Variants in ROBO1 observed in about 807,000 individuals in gnomAD.
ROBO1 encodes the protein roundabout guidance receptor 1.
Under a neutral mutation model 195.9 loss-of-function variants are expected in ROBO1, and 149 were observed. The ratio of observed to expected loss-of-function variants is 0.76; its 90% CI spans 0.67 to 0.87. ROBO1 has a LOEUF of 0.87. Among genes scored for constraint, ROBO1 ranks in the 40% least tolerant of loss-of-function variants. The pLI, the probability that ROBO1 is intolerant of heterozygous loss-of-function variation, is 0.00. For missense variants in ROBO1, 1,933 were observed against 2,068.3 expected (o/e 0.93, Z 1.27); for synonymous variants, 816 against 733.2 (o/e 1.11, Z -1.82).
intron 3 of ROBO1, among the ~76,000 whole-genome samples, chr3:79,115,772 A>G (rs550129280): frequency 6.6e-6 from 1 of 152,306 alleles, no homozygotes; most frequent in South Asian, 2.1e-4. Context: ...TAGACGTTCT[A>G]TGAATGTATT....
At chr3:78,856,155 G>T (rs1181662695) in intron 4 of ROBO1, among the ~76,000 whole-genome samples, 1 of 151,024 alleles carries the variant, frequency 6.6e-6, no homozygotes, top group South Asian at 2.1e-4. Flanking sequence ...ACGGTTTTCA[G>T]CATAAGAAAT....
At chr3:78,856,904 T>C (rs1263619224) in intron 4 of ROBO1, among the ~76,000 whole-genome samples, 3 of 151,508 alleles carry the variant, frequency 2.0e-5, no homozygotes, top group African/African-American at 7.3e-5. Context: ...TTTTCTCTAA[T>C]ACTAACAAGC....
intron 26 of ROBO1, among the ~76,000 whole-genome samples, chr3:78,623,220 T>A (rs1444163362): frequency 6.6e-6 from 1 of 152,146 alleles, no homozygotes; most frequent in Admixed American, 6.5e-5. Flanking sequence ...CGGGAACACA[T>A]AAATATGGCT....
At chr3:79,570,162 G>T (rs114330219) in intron 2 of ROBO1, among the ~76,000 whole-genome samples, 2,551 of 151,918 alleles carry the variant, frequency 0.017, 44 homozygotes, top group Middle Eastern at 0.078. Context: ...TGCATTACTA[G>T]ACTTAGTATT....
chr3:78,780,855 G>C (rs574959380), intron 4 of ROBO1, among the ~76,000 whole-genome samples: 4 of 151,788 alleles, frequency 2.6e-5, no homozygotes, highest in Non-Finnish European at 5.9e-5. Context: ...TTTTTATTAT[G>C]ATTTTTTAGG....
intron 2 of ROBO1, among the ~76,000 whole-genome samples, chr3:79,285,821 C>T (rs527737848): frequency 1.3e-5 from 2 of 151,984 alleles, no homozygotes; most frequent in African/African-American, 2.4e-5. Context: ...AATAGATGAA[C>T]ACATTTATTT....
intron 2 of ROBO1, among the ~76,000 whole-genome samples, chr3:79,492,418 T>G (rs1939509609): frequency 9.2e-6 from 1 of 108,782 alleles, no homozygotes; most frequent in South Asian, 3.4e-4. Flanking sequence ...AGAGTGAGAC[T>G]CTGTTTCAGA....
intron 3 of ROBO1, among the ~76,000 whole-genome samples, chr3:79,034,459 C>T (rs1576594276): frequency 6.6e-6 from 1 of 152,064 alleles, no homozygotes; most frequent in Non-Finnish European, 1.5e-5. Context: ...GGAGGGAAAC[C>T]ATTTGTATTA....
At chr3:78,767,602 C>G (rs9631524) in intron 4 of ROBO1, among the ~76,000 whole-genome samples, 147,368 of 152,282 alleles carry the variant, frequency 0.97, 71,489 homozygotes, top group East Asian at 1. Flanking sequence ...CAATCTCACT[C>G]CTTGTTGTTG....
intron 2 of ROBO1, among the ~76,000 whole-genome samples, chr3:79,262,268 G>A (rs1353164631): frequency 6.6e-6 from 1 of 152,026 alleles, no homozygotes; most frequent in East Asian, 1.9e-4. Context: ...AAATCAGCAG[G>A]AAATGGGGGC....
chr3:79,168,357 G>C (rs2081107852), intron 2 of ROBO1, among the ~76,000 whole-genome samples: 1 of 151,888 alleles, frequency 6.6e-6, no homozygotes, highest in African/African-American at 2.4e-5. Flanking sequence ...ATCCTTAAGA[G>C]AGTTTTTCTT....
In ROBO1 at chr3:78,617,751, C is replaced by T. The variant is rs756256099; in HGVS notation, c.4166G>A (p.Ser1389Asn). The part of the protein sequence containing the change: ...EEDNISSGRS[S>N]VSSSDGSFFT... The stretch of plus-strand genomic sequence containing the variant: ...AAAGGAGCCGTCCGAAGAACTAACA[C>T]TGGAGCGTCCGCTGGAAATGTTGTC... Residue 1389 changes from serine (S) to asparagine (N), a missense_variant, in exon 27 of 31, where the codon AGT becomes AAT. Physicochemically the swap from Ser to Asn is conservative, Grantham distance 46. Coordinates refer to ENST00000464233, the MANE Select transcript of ROBO1 (RefSeq NM_002941.4). 5 of 1,613,986 alleles carry T rather than the reference C, an allele frequency of 3.1e-6. No homozygotes were observed. The highest frequency in any genetic ancestry group is 4.2e-6 in the Non-Finnish European group (5 of 1,179,874).
At chr3:78,929,200 C>A (rs1335182107) in intron 4 of ROBO1, among the ~76,000 whole-genome samples, 1 of 151,968 alleles carries the variant, frequency 6.6e-6, no homozygotes, top group African/African-American at 2.4e-5. Flanking sequence ...ATTTAAAATG[C>A]GACTGAAGTT....
intron 1 of ROBO1, among the ~76,000 whole-genome samples, chr3:79,751,918 A>T (rs546509269): frequency 6.6e-6 from 1 of 152,278 alleles, no homozygotes; most frequent in South Asian, 2.1e-4. Flanking sequence ...CATTAAATAC[A>T]CTCAATAATA....
chr3:79,476,124 G>A (rs1353671697), intron 2 of ROBO1, among the ~76,000 whole-genome samples: 2 of 151,866 alleles, frequency 1.3e-5, no homozygotes, highest in Non-Finnish European at 2.9e-5. Flanking sequence ...ATATACAAAC[G>A]GCCAATAAAC....
chr3:79,456,214 A>T (rs1251748007), intron 2 of ROBO1, among the ~76,000 whole-genome samples: 2 of 152,186 alleles, frequency 1.3e-5, no homozygotes, highest in Non-Finnish European at 2.9e-5. Flanking sequence ...CTTGCAAATT[A>T]ACACAATCTG....
At chr3:79,001,482 G>A (rs1437968857) in intron 3 of ROBO1, among the ~76,000 whole-genome samples, 27 of 151,960 alleles carry the variant, frequency 1.8e-4, no homozygotes, top group Non-Finnish European at 1.8e-4. Context: ...AACTTTGTGT[G>A]TAGTGACCAT....
At position 79,129,260 on chromosome 3, in the gene ROBO1, A is replaced by T. The variant is rs983034885; in HGVS notation, c.89-3721T>A. On this transcript the variant is annotated intron_variant, in intron 2 of 30. Coordinates refer to ENST00000464233, the MANE Select transcript of ROBO1 (RefSeq NM_002941.4). ...TTTTACAATTCAGTAAAAAGTTAGC[A>T]TCTGGGGTTAAAACTGAAATCTGAT... Among the ~76,000 whole-genome samples the T allele has an allele frequency of 2.3e-4, 35 of 152,138 alleles. 1 individual carries two copies. Among genetic ancestry groups the T allele is most frequent in the Non-Finnish European group, 1.9e-4 (13 of 68,026 alleles).
intron 2 of ROBO1, among the ~76,000 whole-genome samples, chr3:79,407,522 C>T (rs894605227): frequency 6.6e-6 from 1 of 152,100 alleles, no homozygotes; most frequent in Non-Finnish European, 1.5e-5. Flanking sequence ...GTCTTTAAGT[C>T]ATTATTGCTT....
Sources: allele counts gnomAD v4.1 joint callset (sites outside exome capture counted in the v4.1 genomes callset), GRCh38; gene constraint gnomAD v4.1.1; transcripts MANE v1.5; gene names NCBI Gene and HGNC (gene_info 2026-07-23, HGNC 2026-07-21).